DYNC1I1: variants seen among roughly 807,000 people sequenced by gnomAD.
DYNC1I1 encodes dynein cytoplasmic 1 intermediate chain 1, also known as cytoplasmic dynein 1 intermediate chain 1.
Under a neutral mutation model 86.6 loss-of-function variants are expected in DYNC1I1, and 43 were observed. The ratio of observed to expected loss-of-function variants is 0.50; its 90% CI spans 0.39 to 0.64. DYNC1I1 has a LOEUF of 0.64. Ranked by LOEUF, DYNC1I1 falls within the 30% of genes least tolerant of loss-of-function variation. DYNC1I1 has a pLI of 0.00. For synonymous variants in DYNC1I1, 262 were observed against 283.7 expected (o/e 0.92, Z 0.77); for missense variants, 604 against 788.8 (o/e 0.77, Z 2.81).
At position 95,792,248 on chromosome 7, in the gene DYNC1I1, G is replaced by A. The variant is rs75399246; in HGVS notation, c.-9-12473G>A. Among the ~76,000 whole-genome samples the A allele has an allele frequency of 6.4e-3, 968 of 152,252 alleles. 12 individuals carry two copies. The highest frequency in any genetic ancestry group is 0.022 in the African/African-American group (909 of 41,552). On this transcript the variant is annotated intron_variant, in intron 1 of 16. Transcript: ENST00000447467. ...ACGTGCAGGGTACTCTAACAGCACC[G>A]GTGAGGGGTGCATGATCCAGTCTTG... is the stretch of plus-strand genomic sequence containing the variant.
chr7:95,960,008 T>TA (rs1439153577), intron 6 of DYNC1I1, among the ~76,000 whole-genome samples: 1 of 152,218 alleles, frequency 6.6e-6, no homozygotes, highest in Non-Finnish European at 1.5e-5. Flanking sequence ...AGTGTAAGGA[T>TA]AAAAAACTAG....
At chr7:95,987,228 T>C in intron 9 of DYNC1I1, 73 bp downstream of exon 9, 1 of 1,330,930 alleles carries the variant, frequency 7.5e-7, no homozygotes, top group Non-Finnish European at 1.1e-6. Context: ...AATAAGAGAT[T>C]TGTTTACTTG....
intron 14 of DYNC1I1, among the ~76,000 whole-genome samples, chr7:96,069,135 C>G (rs1790086383): frequency 6.6e-6 from 1 of 152,142 alleles, no homozygotes; most frequent in Non-Finnish European, 1.5e-5. Flanking sequence ...TCCCTCCAGT[C>G]TCCTAATAAA....
chr7:95,984,904 A>G lies in DYNC1I1; in HGVS notation c.670A>G (p.Ile224Val). ...CTTTTTTGACCGGACAATACGGGTA[A>G]TTGAAAGAGCCCTGGCTGAAGATTC... ...LIFFDRTIRV[I>V]ERALAEDSDI... is the part of the protein sequence containing the mutation. Residue 224 changes from isoleucine to valine, a missense_variant, in exon 8 of 17, where the codon ATT (isoleucine) becomes GTT (valine). Physicochemically the swap from Ile to Val is conservative, Grantham distance 29 (BLOSUM62 3). Coordinates refer to ENST00000447467, the MANE Select transcript of DYNC1I1 (RefSeq NM_001135556.2). The G allele has an allele frequency of 6.2e-7, 1 of 1,613,722 alleles. No homozygotes were observed. The highest frequency in any genetic ancestry group is 8.5e-7 in the Non-Finnish European group (1 of 1,179,754).
At chr7:96,045,359 G>A (rs1278744145) in intron 14 of DYNC1I1, among the ~76,000 whole-genome samples, 3 of 152,140 alleles carry the variant, frequency 2.0e-5, no homozygotes, top group African/African-American at 4.8e-5. Flanking sequence ...AAATGAGGAC[G>A]TCACAAAAGG....
At chr7:95,901,704 A>G (rs928892272) in intron 6 of DYNC1I1, among the ~76,000 whole-genome samples, 2 of 152,220 alleles carry the variant, frequency 1.3e-5, no homozygotes, top group South Asian at 4.1e-4. Context: ...TTGCTTACTG[A>G]CAGTGCTTAT....
At chr7:95,799,129 A>T (rs1455828067) in intron 1 of DYNC1I1, among the ~76,000 whole-genome samples, 1 of 151,972 alleles carries the variant, frequency 6.6e-6, no homozygotes, top group Non-Finnish European at 1.5e-5. Flanking sequence ...CATGCTTATA[A>T]CCCCAGCGAA....
chr7:95,885,420 A>G (rs920701739), intron 6 of DYNC1I1, among the ~76,000 whole-genome samples: 2 of 151,982 alleles, frequency 1.3e-5, no homozygotes, highest in Non-Finnish European at 2.9e-5. Flanking sequence ...CAAGTGATCC[A>G]TTCGCCTCAG....
chr7:95,922,177 T>C (rs1791626974), intron 6 of DYNC1I1, among the ~76,000 whole-genome samples: 1 of 152,218 alleles, frequency 6.6e-6, no homozygotes, highest in Admixed American at 6.5e-5. Flanking sequence ...AATCGCATTT[T>C]TCTTCAGGAT....
chr7:95,811,327 C>CT (rs1794826045), intron 3 of DYNC1I1, among the ~76,000 whole-genome samples: 1 of 151,906 alleles, frequency 6.6e-6, no homozygotes, highest in Admixed American at 6.6e-5. Flanking sequence ...GTTAAAAACC[C>CT]TTTTGGAAGA....
chr7:95,774,193 G>A (rs1018546676), intron 1 of DYNC1I1, among the ~76,000 whole-genome samples: 1 of 152,200 alleles, frequency 6.6e-6, no homozygotes, highest in African/African-American at 2.4e-5. Flanking sequence ...TCCTTGGGAA[G>A]TTTTTAGAAT....
chr7:95,836,068 T>G (rs369027231), intron 5 of DYNC1I1, among the ~76,000 whole-genome samples: 9 of 152,166 alleles, frequency 5.9e-5, no homozygotes, highest in Non-Finnish European at 1.2e-4. Flanking sequence ...TTCCTAGTCT[T>G]GATGGTCTTT....
At chr7:95,958,831 A>G (rs185147702) in intron 6 of DYNC1I1, among the ~76,000 whole-genome samples, 56 of 152,340 alleles carry the variant, frequency 3.7e-4, no homozygotes, top group Non-Finnish European at 6.5e-4. Flanking sequence ...TTCCATGTGC[A>G]GAAATTGAGT....
chr7:95,805,426 A>C (rs1794679922), intron 2 of DYNC1I1, among the ~76,000 whole-genome samples: 1 of 152,120 alleles, frequency 6.6e-6, no homozygotes. Context: ...CTTAGAGAGA[A>C]GGTAAATAGG....
intron 6 of DYNC1I1, among the ~76,000 whole-genome samples, chr7:95,944,878 T>TGGGGGGG: frequency 1.1e-5 from 1 of 94,206 alleles, no homozygotes. Flanking sequence ...TGTTGTGGGG[T>TGGGGGGG]TGGGGGAGGG....
At chr7:95,859,311 C>A (rs1417923965) in intron 5 of DYNC1I1, among the ~76,000 whole-genome samples, 1 of 152,042 alleles carries the variant, frequency 6.6e-6, no homozygotes, top group African/African-American at 2.4e-5. Context: ...GTTCATATAT[C>A]TCCTTTTCTG....
rs145337050 is a variant in DYNC1I1, at chr7:96,062,546, C to T, written c.1510-13511C>T. Among the ~76,000 whole-genome samples, 1,185 of 152,002 alleles carry T rather than the reference C, an allele frequency of 7.8e-3. 26 individuals are homozygous for T. Among genetic ancestry groups the T allele is most frequent in the Admixed American group, 0.046 (703 of 15,262 alleles). On this transcript the variant is annotated intron_variant, in intron 14 of 16. Coordinates refer to ENST00000447467, the MANE Select transcript of DYNC1I1 (RefSeq NM_001135556.2). ...CTGTGTAAATATAAGTTAGTCGCTT[C>T]GGCAATCAGACATATTCTTCTGATC...
intron 9 of DYNC1I1, among the ~76,000 whole-genome samples, chr7:95,993,181 A>G (rs187632602): frequency 2.6e-5 from 4 of 152,350 alleles, no homozygotes; most frequent in Admixed American, 2.0e-4. Context: ...AAGACATACT[A>G]GAGGGCACCT....
At chr7:95,868,041 G>GT (rs1189789272) in intron 5 of DYNC1I1, among the ~76,000 whole-genome samples, 1 of 152,068 alleles carries the variant, frequency 6.6e-6, no homozygotes, top group Non-Finnish European at 1.5e-5. Context: ...CTGATATATG[G>GT]TATGTGCTTT....
Sources: allele counts gnomAD v4.1 joint callset (sites outside exome capture counted in the v4.1 genomes callset), GRCh38; gene constraint gnomAD v4.1.1; transcripts MANE v1.5; gene names NCBI Gene and HGNC (gene_info 2026-07-23, HGNC 2026-07-21).